Variants in MAGEC3 observed in about 807,000 individuals in gnomAD.
The protein encoded by MAGEC3 is MAGE family member C3.
Under a neutral mutation model 35.3 loss-of-function variants are expected in MAGEC3, and 34 were observed. That is an observed-to-expected ratio of 0.96 (90% confidence interval 0.73 to 1.28). MAGEC3 has a LOEUF of 1.28. Ranked by LOEUF, MAGEC3 falls within the 50% of genes most tolerant of loss-of-function variation. MAGEC3 has a pLI of 0.00. For missense variants in MAGEC3, 561 were observed against 483.6 expected, an observed-to-expected ratio of 1.16 and a Z score of -1.50; for synonymous variants, 202 against 185.6, an observed-to-expected ratio of 1.09 and a Z score of -0.72.
chrX:141,893,674 GT>G (rs2018060285), intron 4 of MAGEC3, among the ~76,000 whole-genome samples: 1 of 96,756 alleles, frequency 1.0e-5, no homozygotes, highest in African/African-American at 4.0e-5. Flanking sequence ...GTGTGTGTGT[GT>G]CTGTGTGCGT....
chrX:141,856,547 A>G (rs368606998), intron 1 of MAGEC3, among the ~76,000 whole-genome samples: 1 of 106,732 alleles, frequency 9.4e-6, no homozygotes, highest in Non-Finnish European at 1.9e-5. Flanking sequence ...ACAATGTGCC[A>G]TAATCAAATA....
chrX:141,857,336 T>C (rs1052629115), intron 1 of MAGEC3, among the ~76,000 whole-genome samples: 2 of 111,508 alleles, frequency 1.8e-5, no homozygotes, highest in Non-Finnish European at 3.8e-5. Flanking sequence ...GCTTTTTTAC[T>C]GTAGATTACC....
chrX:141,880,174 G>T (rs757448568), intron 3 of MAGEC3, among the ~76,000 whole-genome samples: 40 of 111,445 alleles, frequency 3.6e-4, no homozygotes, highest in Admixed American at 8.5e-4. Context: ...GCCCTGCTGG[G>T]GATAAGAGTG....
chrX:141,851,969 G>A (rs2017753097), intron 1 of MAGEC3, among the ~76,000 whole-genome samples: 1 of 110,450 alleles, frequency 9.1e-6, no homozygotes, highest in South Asian at 3.8e-4. Context: ...ATTCATTTCT[G>A]CAAAAATTGA....
intron 2 of MAGEC3, among the ~76,000 whole-genome samples, chrX:141,870,898 C>G (rs769622625): frequency 7.1e-4 from 80 of 112,294 alleles, no homozygotes; most frequent in African/African-American, 2.5e-3. Flanking sequence ...AACCTTGAAA[C>G]ATTTAGCAAA....
chrX:141,869,677 C>G (rs771530430), intron 2 of MAGEC3, among the ~76,000 whole-genome samples: 13 of 111,877 alleles, frequency 1.2e-4, no homozygotes, highest in Admixed American at 7.6e-4. Context: ...GATTATAAAT[C>G]ATGTTTTGAA....
At chrX:141,872,151 T>G (rs1326304281) in intron 2 of MAGEC3, among the ~76,000 whole-genome samples, 1 of 111,429 alleles carries the variant, frequency 9.0e-6, no homozygotes, top group Non-Finnish European at 1.9e-5. Flanking sequence ...CCATTTGCCA[T>G]TCCTCGTTAT....
At position 141,896,726 on chromosome X, in the gene MAGEC3, T is replaced by G. The variant is rs148246186; in HGVS notation, c.1124-156T>G. 1.1e-3 allele frequency: 1,339 copies of G among 1,209,915 alleles called. 11 individuals are homozygous for G. The African/African-American group carries it at 0.021, about 19-fold the overall frequency. The stretch of plus-strand genomic sequence containing the variant: ...CAGAACCCGAGTGTGACAGAGGACT[T>G]GGTAGATGCACAGGATTCCATAGAT... On this transcript the variant is annotated intron_variant, in intron 6 of 7. Transcript: ENST00000298296.
chrX:141,860,592 A>G (rs1028025248), intron 1 of MAGEC3, among the ~76,000 whole-genome samples: 2 of 112,230 alleles, frequency 1.8e-5, no homozygotes, highest in African/African-American at 6.5e-5. Context: ...TGTGGTACAG[A>G]CAACCCGTAG....
chrX:141,876,372 A>G (rs1464752102), intron 2 of MAGEC3, among the ~76,000 whole-genome samples: 1 of 111,766 alleles, frequency 8.9e-6, no homozygotes, highest in East Asian at 2.8e-4. Context: ...CCCAGCCACT[A>G]TTGAGATTTC....
At chrX:141,867,002 A>G (rs894244380) in intron 2 of MAGEC3, among the ~76,000 whole-genome samples, 1 of 110,780 alleles carries the variant, frequency 9.0e-6, no homozygotes. Context: ...AGAGAAAGTG[A>G]TGAAATAAAA....
At chrX:141,888,957 T>G (rs73577998) in intron 4 of MAGEC3, among the ~76,000 whole-genome samples, 4 of 112,216 alleles carry the variant, frequency 3.6e-5, no homozygotes, top group Admixed American at 9.4e-5. Context: ...TCGCCTGTCC[T>G]GCACACAGTG....
chrX:141,896,696 A>T (rs747429107), intron 6 of MAGEC3, 186 bp from the exon 7 acceptor site: 11 of 1,209,835 alleles, frequency 9.1e-6, no homozygotes, highest in East Asian at 5.9e-5. Context: ...TTTGAGGAAG[A>T]CTTCCAGAAC....
chrX:141,865,682 G>A (rs1490030733), intron 2 of MAGEC3, 77 bp downstream of exon 2: 22 of 1,068,170 alleles, frequency 2.1e-5, no homozygotes, highest in Non-Finnish European at 2.6e-5. Flanking sequence ...TCCCTGTGCT[G>A]TTAGCCCTGG....
chrX:141,896,574 G>C, intron 6 of MAGEC3: 3 of 1,189,790 alleles, frequency 2.5e-6, no homozygotes, highest in South Asian at 1.9e-5. Context: ...CACTGTCACT[G>C]TCTTCCTCAG....
chrX:141,897,553 C>A, intron 7 of MAGEC3, 67 bp downstream of exon 7: 1 of 1,194,835 alleles, frequency 8.4e-7, no homozygotes, highest in Non-Finnish European at 1.1e-6. Context: ...ACATTGGGTG[C>A]AGAGAAAGTA....
At chrX:141,889,753 G>A (rs150715598) in intron 4 of MAGEC3, among the ~76,000 whole-genome samples, 1,279 of 111,868 alleles carry the variant, frequency 0.011, 11 homozygotes, top group Non-Finnish European at 0.015. Flanking sequence ...AGGAATGAAG[G>A]TTTGGTTCAC....
intron 2 of MAGEC3, among the ~76,000 whole-genome samples, chrX:141,871,671 A>G (rs745604240): frequency 8.9e-6 from 1 of 112,151 alleles, no homozygotes; most frequent in Non-Finnish European, 1.9e-5. Flanking sequence ...ATGTGCAGGA[A>G]TTCCCTGTGA....
In MAGEC3 at chrX:141,881,584, A is replaced by AT; in HGVS notation, c.698dup (p.Glu234ArgfsTer28). The AT allele has an allele frequency of 8.3e-7, 1 of 1,211,448 alleles. No individual in the cohort carries two copies. The highest frequency in any genetic ancestry group is 1.1e-6 in the Non-Finnish European group (1 of 895,258). ...GATCTTCAGGAAAGCCCGTGAGTTC[A>AT]TAGAGATTCTTTTTGGCATTTCCCT... On this transcript the variant is annotated frameshift_variant, in exon 4 of 8. Transcript: ENST00000298296. LOFTEE classifies it high-confidence loss of function.
Sources: allele counts gnomAD v4.1 joint callset (sites outside exome capture counted in the v4.1 genomes callset), GRCh38; gene constraint gnomAD v4.1.1; transcripts MANE v1.5; gene names NCBI Gene and HGNC (gene_info 2026-07-23, HGNC 2026-07-21).